The following CHST9 variants were observed in gnomAD, a reference collection of about 807,000 sequenced individuals.
The protein encoded by CHST9 is GalNAc-4-sulfotransferase 2.
In CHST9, 41 loss-of-function variants were observed where a neutral mutation model predicts 44.4. That is an observed-to-expected ratio of 0.92 (90% confidence interval 0.72 to 1.20). CHST9 has a LOEUF of 1.20. Ranked by LOEUF, CHST9 falls within the 50% of genes most tolerant of loss-of-function variation. The pLI is 0.00. For missense variants in CHST9, 504 were observed against 516.5 expected (o/e 0.98, Z 0.23); for synonymous variants, 171 against 178.4 (o/e 0.96, Z 0.33).
intron 4 of CHST9, among the ~76,000 whole-genome samples, chr18:27,004,255 G>A (rs1352909828): frequency 6.6e-6 from 1 of 151,896 alleles, no homozygotes; most frequent in African/African-American, 2.4e-5. Context: ...GATTAAGGAG[G>A]GAAAAGGCCA....
chr18:27,117,065 A>G (rs147645426), intron 2 of CHST9, among the ~76,000 whole-genome samples: 41 of 152,128 alleles, frequency 2.7e-4, no homozygotes, highest in Non-Finnish European at 3.2e-4. Flanking sequence ...CTTTTTAACT[A>G]TACGTTTCAT....
intron 3 of CHST9, among the ~76,000 whole-genome samples, chr18:27,045,792 A>G (rs4399617): frequency 0.5 from 75,565 of 151,814 alleles, 20,331 homozygotes; most frequent in East Asian, 0.65. Flanking sequence ...GAAAAATAGC[A>G]TCACACATGA....
intron 1 of CHST9, among the ~76,000 whole-genome samples, chr18:27,175,551 TATG>T (rs909867938): frequency 1.3e-5 from 2 of 151,708 alleles, no homozygotes; most frequent in African/African-American, 4.8e-5. Context: ...GAACGAGGAG[TATG>T]ATATTTGGAG....
rs1433499428 is a variant in CHST9 at position 27,048,524 on chromosome 18, T to C, written c.122-21A>G. 8 of 1,592,856 alleles carry C rather than the reference T, an allele frequency of 5.0e-6. No homozygotes were observed. In the African/African-American group the frequency reaches 6.8e-5, roughly 13 times the overall value. ...TCTCCCTGAAATGAGAAGTGGAAGA[T>C]AAGTTACAGCATGGAGTCATGAGAA... On this transcript the variant is annotated intron_variant, in intron 2 of 5. Transcript: ENST00000618847.
At chr18:27,084,227 C>A (rs1031408941) in intron 2 of CHST9, among the ~76,000 whole-genome samples, 3 of 151,860 alleles carry the variant, frequency 2.0e-5, no homozygotes, top group Non-Finnish European at 4.4e-5. Context: ...TTGGTACCAG[C>A]TCTTCTTTAT....
chr18:26,949,607 G>A (rs2056216053), intron 4 of CHST9, among the ~76,000 whole-genome samples: 3 of 152,184 alleles, frequency 2.0e-5, no homozygotes, highest in South Asian at 2.1e-4. Flanking sequence ...GTAATAAAGA[G>A]GAAGATACCT....
chr18:27,111,877 G>A (rs1026536060), intron 2 of CHST9, among the ~76,000 whole-genome samples: 12 of 151,990 alleles, frequency 7.9e-5, no homozygotes, highest in Middle Eastern at 3.2e-3. Context: ...CCCTTGACTC[G>A]TGGCTCTGAG....
rs575960748 is a variant in CHST9, at chr18:27,169,828, C to T, written c.-97+15308G>A. ...TTCACCGTGTTAGCCAGGATGGTCT[C>T]GATCTCCTAACGTCGTGATCCTCCC... is the stretch of plus-strand genomic sequence containing the variant. On this transcript the variant is annotated intron_variant, in intron 1 of 5. Coordinates refer to ENST00000618847, the MANE Select transcript of CHST9 (RefSeq NM_031422.6). 1.5e-4 allele frequency among the ~76,000 whole-genome samples: 23 copies of T among 151,990 alleles called. No individual in the cohort carries two copies. In the East Asian group the frequency reaches 1.9e-3, roughly 13 times the overall value.
At chr18:26,926,108 T>TG (rs2055763292) in intron 5 of CHST9, among the ~76,000 whole-genome samples, 2 of 152,234 alleles carry the variant, frequency 1.3e-5, no homozygotes, top group South Asian at 4.2e-4. Context: ...AGTGAACACT[T>TG]GAAGAGAGTG....
At chr18:27,079,547 C>G (rs990155004) in intron 2 of CHST9, among the ~76,000 whole-genome samples, 8 of 152,178 alleles carry the variant, frequency 5.3e-5, no homozygotes, top group Non-Finnish European at 1.0e-4. Flanking sequence ...AAATTTATAT[C>G]TGCCATCCTA....
chr18:27,104,149 C>A (rs912255207), intron 2 of CHST9, among the ~76,000 whole-genome samples: 1 of 152,244 alleles, frequency 6.6e-6, no homozygotes, highest in Non-Finnish European at 1.5e-5. Flanking sequence ...GAACTAGGCA[C>A]TGCACTGGGT....
intron 1 of CHST9, among the ~76,000 whole-genome samples, chr18:27,150,093 G>A (rs2058647598): frequency 1.3e-5 from 2 of 150,552 alleles, no homozygotes; most frequent in Non-Finnish European, 3.0e-5. Context: ...TTTAGTGAAA[G>A]GCTTTTTGAT....
In CHST9 at chr18:26,906,532, T is replaced by G. The variant is rs2055375169; in HGVS notation, c.*9727A>C. On this transcript the variant is annotated 3_prime_UTR_variant, in exon 6 of 6. Transcript: ENST00000618847. ...TTGAGCACTTATTAAATACTTTACA[T>G]GCATTTCCCATACCCCCCTTACTAG... 1 of 152,228 alleles carries G rather than the reference T, an allele frequency of 6.6e-6. No individual in the cohort carries two copies. Among genetic ancestry groups the G allele is most frequent in the Non-Finnish European group, 1.5e-5 (1 of 68,040 alleles). The allele number at this position is 152,228 out of a possible 1,614,324, so 9.4% of individuals were successfully genotyped here.
chr18:27,055,354 T>A (rs1267340771), intron 2 of CHST9, among the ~76,000 whole-genome samples: 1 of 152,168 alleles, frequency 6.6e-6, no homozygotes, highest in Non-Finnish European at 1.5e-5. Flanking sequence ...TTTTGGATAA[T>A]GAGAATCTGT....
At position 26,917,201 on chromosome 18, in the gene CHST9, C is replaced by A; in HGVS notation, c.390G>T (p.Glu130Asp). 1 of 1,613,900 alleles carries A rather than the reference C, an allele frequency of 6.2e-7. No individual in the cohort carries two copies. The highest frequency in any genetic ancestry group is 8.5e-7 in the Non-Finnish European group (1 of 1,179,838). The change falls in exon 6 of 6, where the codon GAG becomes GAT. Residue 130 changes from glutamate (E) to aspartate (D), a missense_variant. Physicochemically the swap from Glu to Asp is conservative, Grantham distance 45. Coordinates refer to ENST00000618847, the MANE Select transcript of CHST9 (RefSeq NM_031422.6). Reference sequence around the variant, plus strand: ...CTCCTTGACGTTTTTCAATCAACTTCTCTGTTGGTGACCCTGTGGACTTAC... The same window carrying A: ...CTCCTTGACGTTTTTCAATCAACTTATCTGTTGGTGACCCTGTGGACTTAC... ...ALSKSTGSPTEKLIEKRQGAK... is the reference protein window; with the variant it reads ...ALSKSTGSPTDKLIEKRQGAK...
chr18:26,916,819 G>T lies in CHST9; in HGVS notation c.772C>A (p.Leu258Ile). Residue 258 changes from leucine (L) to isoleucine (I), a missense_variant, in exon 6 of 6, where the codon CTA (leucine) becomes ATA (isoleucine). Leu to Ile is a conservative substitution (Grantham distance 5, BLOSUM62 2). Coordinates refer to ENST00000618847, the MANE Select transcript of CHST9 (RefSeq NM_031422.6). ...ATCCCTTTTAGGTCAAAGCTATCTA[G>T]CTTCTTCAAATGCTTCCCGTAGTGG... ...AVHYGKHLKK[L>I]DSFDLKGIYT... The T allele has an allele frequency of 6.2e-7, 1 of 1,613,892 alleles. No individual in the cohort carries two copies.
intron 3 of CHST9, among the ~76,000 whole-genome samples, chr18:27,034,047 T>C (rs750333120): frequency 5.3e-5 from 8 of 152,236 alleles, no homozygotes; most frequent in Non-Finnish European, 1.2e-4. Flanking sequence ...TCCCTGTTTC[T>C]AACCTAGATA....
intron 2 of CHST9, among the ~76,000 whole-genome samples, chr18:27,108,410 G>A (rs900339710): frequency 2.0e-5 from 3 of 152,154 alleles, no homozygotes; most frequent in Non-Finnish European, 4.4e-5. Flanking sequence ...GTGTGGGCAA[G>A]TATTTAAATG....
At chr18:26,970,338 T>A (rs2056525145) in intron 4 of CHST9, among the ~76,000 whole-genome samples, 1 of 152,234 alleles carries the variant, frequency 6.6e-6, no homozygotes, top group African/African-American at 2.4e-5. Context: ...TCTTTCCAAA[T>A]GAATGCTTCC....
Sources: allele counts gnomAD v4.1 joint callset (sites outside exome capture counted in the v4.1 genomes callset), GRCh38; gene constraint gnomAD v4.1.1; transcripts MANE v1.5; gene names NCBI Gene and HGNC (gene_info 2026-07-23, HGNC 2026-07-21).